The following NLRP13 variants were observed in gnomAD, a reference collection of about 807,000 sequenced individuals.
NLRP13 encodes the protein NLR family pyrin domain containing 13.
Under a neutral mutation model 94.4 loss-of-function variants are expected in NLRP13, and 82 were observed. The observed-to-expected ratio is 0.87, with a 90% CI of 0.73 to 1.04. The LOEUF is 1.04. Ranked by LOEUF, NLRP13 falls within the 50% of genes least tolerant of loss-of-function variation. The pLI is 0.00. For synonymous variants in NLRP13, 553 were observed against 464.7 expected (o/e 1.19, Z -2.45); for missense variants, 1,426 against 1,230.8 (o/e 1.16, Z -2.37).
downstream of NLRP13, among the ~76,000 whole-genome samples, chr19:55,894,096 G>C (rs961655125): frequency 6.8e-6 from 1 of 146,750 alleles, no homozygotes; most frequent in Non-Finnish European, 1.5e-5. Flanking sequence ...ACCCAGGCTG[G>C]AGTGCATGAT....
chr19:55,896,020 T>C lies in NLRP13; in HGVS notation c.3057A>G (p.Glu1019=), dbSNP rs762976375. ...GCATCTTGACACCATCAGTATCCAA[T>C]TCATTGCCTAGAAGGTTCAGATTGA... is the stretch of plus-strand genomic sequence containing the variant. ...SLVNLNLLGN[E]LDTDGVKMLC... Residue 1019 remains glutamate, a synonymous_variant, in exon 11 of 11, where the codon GAA becomes GAG. Coordinates refer to ENST00000342929, the MANE Select transcript of NLRP13 (RefSeq NM_176810.2). 1.3e-4 allele frequency: 211 copies of C among 1,614,052 alleles called. 1 individual carries two copies. Among genetic ancestry groups the C allele is most frequent in the Non-Finnish European group, 1.7e-4 (202 of 1,180,012 alleles).
At chr19:55,901,361 T>TAAGA (rs1207762743) in intron 9 of NLRP13, among the ~76,000 whole-genome samples, 1 of 152,230 alleles carries the variant, frequency 6.6e-6, no homozygotes, top group Non-Finnish European at 1.5e-5. Flanking sequence ...CCTGATTGGC[T>TAAGA]AAACGTTTGA....
chr19:55,896,001 T>G lies in NLRP13; in HGVS notation c.3076A>C (p.Lys1026Gln). 1.9e-6 allele frequency: 3 copies of G among 1,614,214 alleles called. No homozygotes were observed. The highest frequency in any genetic ancestry group is 2.5e-6 in the Non-Finnish European group (3 of 1,180,020). Residue 1026 changes from lysine (K) to glutamine (Q), a missense_variant, in exon 11 of 11, where the codon AAG becomes CAG. Lys to Gln is a moderately conservative substitution (Grantham distance 53). Transcript: ENST00000342929. ...TTTTTCAAAGCCTTACATAGCATCTTGACACCATCAGTATCCAATTCATTG... is the reference window on the plus strand; with the variant it reads ...TTTTTCAAAGCCTTACATAGCATCTGGACACCATCAGTATCCAATTCATTG... ...LGNELDTDGV[K>Q]MLCKALKKST...
At chr19:55,917,096 C>T (rs895401888) in intron 4 of NLRP13, among the ~76,000 whole-genome samples, 11 of 151,844 alleles carry the variant, frequency 7.2e-5, no homozygotes, top group African/African-American at 1.9e-4. Context: ...AACTGTTAAC[C>T]CCAAGTTTTG....
At chr19:55,919,571 TG>T (rs1008616975) in intron 4 of NLRP13, among the ~76,000 whole-genome samples, 1 of 151,792 alleles carries the variant, frequency 6.6e-6, no homozygotes, top group African/African-American at 2.4e-5. Flanking sequence ...TACTCCATAA[TG>T]ATCAAGCTGA....
At chr19:55,900,895 G>C (rs1006526457) in intron 9 of NLRP13, among the ~76,000 whole-genome samples, 1 of 151,970 alleles carries the variant, frequency 6.6e-6, no homozygotes, top group Non-Finnish European at 1.5e-5. Context: ...GTTGAAGTTC[G>C]AGCATGGATT....
At chr19:55,917,111 C>T (rs1294885200) in intron 4 of NLRP13, among the ~76,000 whole-genome samples, 1 of 152,066 alleles carries the variant, frequency 6.6e-6, no homozygotes, top group African/African-American at 2.4e-5. Context: ...GTTTTGTATC[C>T]TTCTACAATA....
rs750129297 is a variant in NLRP13, at chr19:55,898,871, A to G, written c.2856T>C (p.His952=). The G allele has an allele frequency of 5.6e-6, 9 of 1,614,020 alleles. No homozygotes were observed. The South Asian group carries it at 7.7e-5, about 14-fold the overall frequency. Residue 952 remains histidine (H), a synonymous_variant, in exon 10 of 11, where the codon CAT becomes CAC. Coordinates refer to ENST00000342929, the MANE Select transcript of NLRP13 (RefSeq NM_176810.2). ...GELANALSHN[H]NVKILDLGEN... is the part of the protein sequence containing the mutation. ...CTCCCAAATCCAAGATTTTCACATT[A>G]TGATTATGGCTGAGGGCATTAGCCA... is the stretch of plus-strand genomic sequence containing the variant.
Position 55,902,037 on chromosome 19 carries a change from C to T in NLRP13, c.2787G>A (p.Leu929=). The T allele has an allele frequency of 1.2e-6, 2 of 1,613,972 alleles. No homozygotes were observed. The highest frequency in any genetic ancestry group is 1.7e-6 in the Non-Finnish European group (2 of 1,179,892). Residue 929 remains leucine (L), a splice_region_variant and synonymous_variant, in exon 9 of 11, where the codon CTG becomes CTA. Transcript: ENST00000342929. ...LGRPDGNLQS[L]NLSGCSFTRE... is the part of the protein sequence containing the mutation. ...CAGAGGGAGCCAAGAAAACTTACTT[C>T]AGGCTCTGCAGGTTACCATCTGGGC...
intron 4 of NLRP13, 66 bp from the exon 5 acceptor site, chr19:55,913,359 A>G: frequency 1.3e-6 from 2 of 1,497,116 alleles, no homozygotes; most frequent in South Asian, 1.3e-5. Context: ...TGATTCAGTT[A>G]CAAAGTTCCT....
chr19:55,900,966 A>T (rs1477804459), intron 9 of NLRP13, among the ~76,000 whole-genome samples: 2 of 151,352 alleles, frequency 1.3e-5, no homozygotes, highest in East Asian at 3.9e-4. Flanking sequence ...AAATCCCTTG[A>T]CCGGCCAGGC....
At chr19:55,905,512 C>T (rs910349422) in intron 7 of NLRP13, among the ~76,000 whole-genome samples, 1 of 151,044 alleles carries the variant, frequency 6.6e-6, no homozygotes, top group Non-Finnish European at 1.5e-5. Context: ...TATATCTGGG[C>T]ATGGTGGTGT....
At chr19:55,891,804 C>T (rs772911592), downstream of NLRP13, 2 of 338,320 alleles carry the variant, frequency 5.9e-6, no homozygotes, top group Non-Finnish European at 1.1e-5. Flanking sequence ...GATCTTGGTA[C>T]CAGACACAGT....
Position 55,923,943 on chromosome 19 carries a change from T to C in NLRP13, c.494A>G (p.Gln165Arg), listed in dbSNP as rs1478339273. The C allele has an allele frequency of 5.6e-6, 9 of 1,613,902 alleles. No homozygotes were observed. Among genetic ancestry groups the C allele is most frequent in the South Asian group, 5.5e-5 (5 of 91,072 alleles). Reference sequence around the variant, plus strand: ...TTCCTCTAGCATCTCTGGTTCTTCTTGGTTTGGATCTTGGCATCCCTGGGC... The same window carrying C: ...TTCCTCTAGCATCTCTGGTTCTTCTCGGTTTGGATCTTGGCATCCCTGGGC... ...VQAQGCQDPN[Q>R]EEPEMLEEAD... The change falls in exon 4 of 11, where the codon CAA becomes CGA. Residue 165 changes from glutamine to arginine, a missense_variant. Physicochemically the swap from Gln to Arg is conservative, Grantham distance 43. Coordinates refer to ENST00000342929, the MANE Select transcript of NLRP13 (RefSeq NM_176810.2).
intron 1 of NLRP13, among the ~76,000 whole-genome samples, chr19:55,926,315 G>T (rs1986964626): frequency 6.6e-6 from 1 of 152,184 alleles, no homozygotes. Context: ...ACTAGTACAT[G>T]GCTGCAAAGA....
intron 4 of NLRP13, among the ~76,000 whole-genome samples, chr19:55,914,955 A>T (rs1006568660): frequency 1.3e-5 from 2 of 152,230 alleles, no homozygotes; most frequent in Non-Finnish European, 2.9e-5. Context: ...AGAAAGACAA[A>T]TGCCAGATGA....
chr19:55,908,490 T>C (rs1334026489), intron 6 of NLRP13, among the ~76,000 whole-genome samples: 1 of 152,214 alleles, frequency 6.6e-6, no homozygotes, highest in Non-Finnish European at 1.5e-5. Context: ...ATTGCAGCAC[T>C]ATTCACAATA....
intron 1 of NLRP13, among the ~76,000 whole-genome samples, chr19:55,930,873 A>ATTTTTT (rs1555751052): frequency 3.4e-4 from 31 of 91,392 alleles, no homozygotes; most frequent in Admixed American, 8.9e-4. Flanking sequence ...AGAATCAGTG[A>ATTTTTT]TTATATATAT....
downstream of NLRP13, among the ~76,000 whole-genome samples, chr19:55,892,638 C>G (rs1239307100): frequency 6.6e-6 from 1 of 152,088 alleles, no homozygotes; most frequent in East Asian, 1.9e-4. Context: ...CCAGGCTGGT[C>G]TCGAACTCCT....
Sources: allele counts gnomAD v4.1 joint callset (sites outside exome capture counted in the v4.1 genomes callset), GRCh38; gene constraint gnomAD v4.1.1; transcripts MANE v1.5; gene names NCBI Gene and HGNC (gene_info 2026-07-23, HGNC 2026-07-21).